ACTR3C: variants seen among roughly 807,000 people sequenced by gnomAD.
ACTR3C encodes actin related protein 3C, also known as actin-related protein 3C.
ACTR3C carries 18 observed loss-of-function variants against 26.3 expected under a neutral mutation model. That is an observed-to-expected ratio of 0.68 (90% CI 0.47 to 1.01). ACTR3C has a LOEUF of 1.01. ACTR3C is among the 50% of genes least tolerant of loss of function. The pLI, the probability that ACTR3C is intolerant of heterozygous loss-of-function variation, is 0.00. For missense variants in ACTR3C, 184 were observed against 250.7 expected (o/e 0.73, Z 1.80); for synonymous variants, 55 against 94.5 (o/e 0.58, Z 2.42).
chr7:149,996,428 A>G, the ACTR3C span, among the ~76,000 whole-genome samples: 2 of 150,266 alleles, frequency 1.3e-5, no homozygotes, highest in South Asian at 4.3e-4. Flanking sequence ...CAGGAGCTGG[A>G]GAGGAGTTAA....
At chr7:150,082,833 G>A in the ACTR3C span, among the ~76,000 whole-genome samples, 2 of 151,924 alleles carry the variant, frequency 1.3e-5, no homozygotes, top group African/African-American at 4.8e-5. Context: ...GAAGATATTA[G>A]GAGTATCTAT....
the ACTR3C span, among the ~76,000 whole-genome samples, chr7:150,111,015 C>T: frequency 2.0e-5 from 3 of 151,202 alleles, no homozygotes; most frequent in African/African-American, 7.3e-5. Flanking sequence ...TGGCCTAAAA[C>T]AGTGGTCCAC....
At chr7:149,976,567 C>T in the ACTR3C span, among the ~76,000 whole-genome samples, 1 of 117,790 alleles carries the variant, frequency 8.5e-6, no homozygotes, top group Non-Finnish European at 1.7e-5. Context: ...GAGCGAGACT[C>T]TGTCTCAGAA....
the ACTR3C span, among the ~76,000 whole-genome samples, chr7:149,967,881 GGGGGTGTGTC>G: frequency 6.6e-6 from 1 of 152,134 alleles, no homozygotes; most frequent in African/African-American, 2.4e-5. Context: ...TTTTCTTCTT[GGGGGTGTGTC>G]GGGGGGTGGC....
the ACTR3C span, among the ~76,000 whole-genome samples, chr7:149,906,724 G>A: frequency 0.025 from 3,018 of 121,878 alleles, 146 homozygotes; most frequent in African/African-American, 0.095. Flanking sequence ...GAGCCACCGC[G>A]CCCAGCCCAC....
the ACTR3C span, among the ~76,000 whole-genome samples, chr7:150,151,428 G>A: frequency 7.3e-6 from 1 of 137,106 alleles, no homozygotes; most frequent in Admixed American, 7.5e-5. Context: ...AGAATAACAA[G>A]TAACAATTTA....
At chr7:150,167,881 AT>A in the ACTR3C span, among the ~76,000 whole-genome samples, 1 of 150,726 alleles carries the variant, frequency 6.6e-6, no homozygotes, top group Non-Finnish European at 1.5e-5. Flanking sequence ...CATCATACAA[AT>A]TCTTTAGAAT....
chr7:149,930,085 C>T, the ACTR3C span, among the ~76,000 whole-genome samples: 9 of 151,740 alleles, frequency 5.9e-5, no homozygotes, highest in African/African-American at 2.2e-4. Flanking sequence ...TCTTGAAAGA[C>T]AAAAAAAGGT....
At chr7:149,948,750 C>T in the ACTR3C span, among the ~76,000 whole-genome samples, 38 of 138,392 alleles carry the variant, frequency 2.7e-4, no homozygotes, top group African/African-American at 1.0e-3. Flanking sequence ...CAGCCTCAGG[C>T]AAGCCATGGC....
chr7:149,957,964 G>A, the ACTR3C span, among the ~76,000 whole-genome samples: 5 of 152,232 alleles, frequency 3.3e-5, no homozygotes, highest in East Asian at 9.6e-4. Flanking sequence ...GGGTTTGGGT[G>A]TTTCTCCAGC....
chr7:150,109,818 C>G, the ACTR3C span, among the ~76,000 whole-genome samples: 1 of 145,652 alleles, frequency 6.9e-6, no homozygotes. Flanking sequence ...AATCTCAAAA[C>G]GAAATCTGGT....
At chr7:150,169,002 T>C in the ACTR3C span, among the ~76,000 whole-genome samples, 1 of 150,572 alleles carries the variant, frequency 6.6e-6, no homozygotes, top group Admixed American at 6.6e-5. Context: ...CTTCAATGCA[T>C]TGGGAAGTGG....
At chr7:149,961,087 C>G in the ACTR3C span, among the ~76,000 whole-genome samples, 1 of 150,910 alleles carries the variant, frequency 6.6e-6, no homozygotes, top group African/African-American at 2.5e-5. Flanking sequence ...AAAGTGTATA[C>G]TCACAGGAAG....
At chr7:150,058,727 C>T in the ACTR3C span, among the ~76,000 whole-genome samples, 13 of 152,190 alleles carry the variant, frequency 8.5e-5, no homozygotes, top group East Asian at 3.9e-4. Flanking sequence ...CCATCCTGGC[C>T]AACATGGTGA....
the ACTR3C span, among the ~76,000 whole-genome samples, chr7:150,063,852 G>A: frequency 6.6e-6 from 1 of 152,182 alleles, no homozygotes; most frequent in Non-Finnish European, 1.5e-5. Context: ...GAGTGGTGCA[G>A]ACATCAGAGT....
At chr7:150,278,525 T>G (rs1329307180) in intron 6 of ACTR3C, among the ~76,000 whole-genome samples, 2 of 152,250 alleles carry the variant, frequency 1.3e-5, no homozygotes, top group African/African-American at 2.4e-5. Flanking sequence ...ATGCCCTGGC[T>G]GCTCAGCACC....
the ACTR3C span, among the ~76,000 whole-genome samples, chr7:150,147,067 G>A: frequency 6.6e-6 from 1 of 152,090 alleles, no homozygotes; most frequent in Non-Finnish European, 1.5e-5. Flanking sequence ...GTAATGTTGA[G>A]GCTTGTACTA....
the ACTR3C span, among the ~76,000 whole-genome samples, chr7:150,028,380 G>T: frequency 3.3e-5 from 5 of 152,280 alleles, no homozygotes; most frequent in African/African-American, 1.2e-4. Context: ...CTGTGTCTGT[G>T]TGCATTTGTG....
At chr7:150,126,908 G>T in the ACTR3C span, among the ~76,000 whole-genome samples, 15 of 152,258 alleles carry the variant, frequency 9.9e-5, no homozygotes, top group African/African-American at 2.2e-4. Flanking sequence ...CTTTCCCTAA[G>T]AACTCCTGCC....
Sources: allele counts gnomAD v4.1 joint callset (sites outside exome capture counted in the v4.1 genomes callset), GRCh38; gene constraint gnomAD v4.1.1; transcripts MANE v1.5; gene names NCBI Gene and HGNC (gene_info 2026-07-23, HGNC 2026-07-21).